SDK2: variants seen among roughly 807,000 people sequenced by gnomAD.
SDK2 encodes the protein sidekick cell adhesion molecule 2, also known as protein sidekick-2.
In SDK2, 105 loss-of-function variants were observed where a neutral mutation model predicts 253.9. The observed-to-expected ratio is 0.41, with a 90% CI of 0.35 to 0.49. SDK2 has a LOEUF of 0.49. Among genes scored for constraint, SDK2 ranks in the 20% least tolerant of loss-of-function variants. The probability of loss-of-function intolerance (pLI) is 0.06; values close to 1 mark genes in which losing one functional copy is unlikely to be tolerated. For synonymous variants in SDK2, 1,249 were observed against 1,234.9 expected (o/e 1.01, Z -0.24); for missense variants, 2,608 against 3,003.0 (o/e 0.87, Z 3.07).
chr17:73,379,640 G>T lies in SDK2; in HGVS notation c.4763-91C>A, dbSNP rs1004810487. On this transcript the variant is annotated intron_variant, in intron 34 of 44. Coordinates refer to ENST00000392650, the MANE Select transcript of SDK2 (RefSeq NM_001144952.2). This position sits in a 1 kb window ranked among gnomAD's most constrained non-coding sequence, Gnocchi z 4.5. ...AGGGAGGGTGGAGGCTGCAGGGGGA[G>T]GAATGAGGCACCCCCGCCATTCTAG... is the stretch of plus-strand genomic sequence containing the variant. 1.4e-6 allele frequency: 1 copy of T among 737,600 alleles called. No homozygotes were observed. The highest frequency in any genetic ancestry group is 2.3e-6 in the Non-Finnish European group (1 of 438,232). The allele number at this position is 737,600 out of a possible 1,614,324, so 45.7% of individuals were successfully genotyped here. A position where few individuals can be genotyped will look rare whatever the true frequency, so the allele number is the denominator to read the frequency against.
chr17:73,556,862 T>C (rs1312968886), intron 1 of SDK2, among the ~76,000 whole-genome samples: 1 of 152,210 alleles, frequency 6.6e-6, no homozygotes, highest in Non-Finnish European at 1.5e-5. Context: ...GGGGTGATGA[T>C]GATCATAGAA....
Position 73,339,000 on chromosome 17 carries a change from G to T in SDK2, c.6166-60C>A. ...CCCGTAGGGACAGGCCATTGTGGTTGGGGCCGGAAGGCACAGGGCATTCTG... is the reference window on the plus strand; with the variant it reads ...CCCGTAGGGACAGGCCATTGTGGTTTGGGCCGGAAGGCACAGGGCATTCTG... On this transcript the variant is annotated intron_variant, in intron 44 of 44. Coordinates refer to ENST00000392650, the MANE Select transcript of SDK2 (RefSeq NM_001144952.2). This position sits in a 1 kb window ranked among gnomAD's most constrained non-coding sequence, Gnocchi z 5.0. The T allele has an allele frequency of 6.9e-7, 1 of 1,447,576 alleles. No individual in the cohort carries two copies. The highest frequency in any genetic ancestry group is 1.2e-5 in the South Asian group (1 of 86,912). The allele number at this position is 1,447,576 out of a possible 1,614,324, so 89.7% of individuals were successfully genotyped here.
rs549474021 is a variant in SDK2, at chr17:73,604,080, G to A, written c.64+39945C>T. ...AGATTGCCACGCGGAGGGAACGCCC[G>A]CGCCGGGCAGCGCCAGCGTCAGCCT... On this transcript the variant is annotated intron_variant, in intron 1 of 44. Coordinates refer to ENST00000392650, the MANE Select transcript of SDK2 (RefSeq NM_001144952.2). Among the ~76,000 whole-genome samples the A allele has an allele frequency of 4.6e-5, 7 of 152,374 alleles. No homozygotes were observed. The East Asian group carries it at 5.8e-4, about 13-fold the overall frequency.
chr17:73,437,225 G>T (rs546313352), intron 8 of SDK2, among the ~76,000 whole-genome samples: 89 of 152,182 alleles, frequency 5.8e-4, no homozygotes, highest in Non-Finnish European at 1.2e-3. Flanking sequence ...GCTGCGGGCT[G>T]TCTTTTGGCG....
At chr17:73,596,607 C>T (rs11655894) in intron 1 of SDK2, among the ~76,000 whole-genome samples, 3 of 151,894 alleles carry the variant, frequency 2.0e-5, no homozygotes, top group East Asian at 1.9e-4. Flanking sequence ...GACATGTCCC[C>T]GGAACCCACA....
Position 73,541,436 on chromosome 17 carries a change from G to C in SDK2, c.65-33839C>G. Reference sequence around the variant, plus strand: ...CACTTAGCACATGGGCGCCTTGCTGGGTGCTCCATCCCATCCCCTCTCAAC... The same window carrying C: ...CACTTAGCACATGGGCGCCTTGCTGCGTGCTCCATCCCATCCCCTCTCAAC... On this transcript the variant is annotated intron_variant, in intron 1 of 44. Coordinates refer to ENST00000392650, the MANE Select transcript of SDK2 (RefSeq NM_001144952.2). The surrounding 1 kb of genome is among the most constrained non-coding windows in gnomAD (Gnocchi z 4.3). Among the ~76,000 whole-genome samples, 1 of 151,974 alleles carries C rather than the reference G, an allele frequency of 6.6e-6. No individual in the cohort carries two copies. The highest frequency in any genetic ancestry group is 2.1e-4 in the South Asian group (1 of 4,818).
intron 36 of SDK2, among the ~76,000 whole-genome samples, chr17:73,370,768 A>G (rs954149014): frequency 2.0e-5 from 3 of 151,850 alleles, no homozygotes; most frequent in African/African-American, 7.3e-5. Flanking sequence ...TTTCTTTTTT[A>G]GAAAGGGGGA....
intron 18 of SDK2, among the ~76,000 whole-genome samples, chr17:73,413,026 A>G (rs1390590324): frequency 6.6e-6 from 1 of 152,138 alleles, no homozygotes; most frequent in Non-Finnish European, 1.5e-5. Flanking sequence ...GGGTTCCCCA[A>G]TCCCCCACGG....
intron 40 of SDK2, among the ~76,000 whole-genome samples, chr17:73,354,038 T>C (rs1052227628): frequency 6.6e-6 from 1 of 151,896 alleles, no homozygotes; most frequent in African/African-American, 2.4e-5. Flanking sequence ...CAGGAAAGAT[T>C]TGGTTTTAAA....
chr17:73,462,783 T>C (rs567125205), intron 3 of SDK2, among the ~76,000 whole-genome samples: 1 of 152,272 alleles, frequency 6.6e-6, no homozygotes, highest in South Asian at 2.1e-4. Context: ...TTTCCTCCAC[T>C]TCTCCACTCC....
chr17:73,574,050 C>T (rs562811991), intron 1 of SDK2, among the ~76,000 whole-genome samples: 32 of 152,340 alleles, frequency 2.1e-4, no homozygotes, highest in Admixed American at 5.2e-4. Context: ...CTGACACTAC[C>T]GCTCACATCT....
At chr17:73,535,974 C>A (rs1228075921) in intron 1 of SDK2, among the ~76,000 whole-genome samples, 1 of 152,200 alleles carries the variant, frequency 6.6e-6, no homozygotes, top group African/African-American at 2.4e-5. Context: ...TTCCTCCACG[C>A]CCACTCTGAC....
chr17:73,618,269 C>T lies in SDK2; in HGVS notation c.64+25756G>A, dbSNP rs2046085908. On this transcript the variant is annotated intron_variant, in intron 1 of 44. Transcript: ENST00000392650. This position sits in a 1 kb window ranked among gnomAD's most constrained non-coding sequence, Gnocchi z 4.1. ...ATTAGACCCCATACCTTTGCCCAGC[C>T]TCATTTTATGTTTTGCTTCTGGCTT... Among the ~76,000 whole-genome samples the T allele has an allele frequency of 6.6e-6, 1 of 152,164 alleles. No individual in the cohort carries two copies. The highest frequency in any genetic ancestry group is 2.4e-5 in the African/African-American group (1 of 41,424).
chr17:73,342,263 C>T (rs2062444335), intron 44 of SDK2, among the ~76,000 whole-genome samples: 1 of 152,158 alleles, frequency 6.6e-6, no homozygotes, highest in Non-Finnish European at 1.5e-5. Context: ...GCAGGCACAG[C>T]CGGCTGCCCA....
intron 19 of SDK2, 76 bp from the exon 20 acceptor site, chr17:73,401,828 G>T: frequency 1.4e-6 from 2 of 1,431,502 alleles, no homozygotes; most frequent in Non-Finnish European, 1.9e-6. Flanking sequence ...GAGATAGCCT[G>T]TGGTAATCTG....
chr17:73,396,188 G>A (rs1202885946), intron 24 of SDK2, among the ~76,000 whole-genome samples: 1 of 152,130 alleles, frequency 6.6e-6, no homozygotes, highest in East Asian at 1.9e-4. Flanking sequence ...CCTCCTTCTT[G>A]TTTGAGTCTC....
intron 1 of SDK2, among the ~76,000 whole-genome samples, chr17:73,621,150 T>C (rs1489093594): frequency 6.6e-6 from 1 of 152,218 alleles, no homozygotes; most frequent in Non-Finnish European, 1.5e-5. Context: ...TCAAATTCTT[T>C]GTATAGATGA....
rs772506253 is a variant in SDK2 at position 73,433,856 on chromosome 17, C to T, written c.1196-8G>A. On this transcript the variant is annotated splice_region_variant and splice_polypyrimidine_tract_variant and intron_variant, in intron 9 of 44. Transcript: ENST00000392650. ...TGATGTTAGGGGCGATGCCTGCAAACAGAGAAGTGGGGCCTTTTAGCCACA... is the reference window on the plus strand; with the variant it reads ...TGATGTTAGGGGCGATGCCTGCAAATAGAGAAGTGGGGCCTTTTAGCCACA... The T allele has an allele frequency of 6.6e-7, 1 of 1,513,116 alleles. No homozygotes were observed. The highest frequency in any genetic ancestry group is 8.9e-7 in the Non-Finnish European group (1 of 1,128,268). 93.7% of individuals were successfully genotyped at this position (1,513,116 alleles called of 1,614,324 possible).
chr17:73,350,342 C>A lies in SDK2; in HGVS notation c.5933G>T (p.Ser1978Ile). The A allele has an allele frequency of 6.2e-7, 1 of 1,613,886 alleles. No individual in the cohort carries two copies. Among genetic ancestry groups the A allele is most frequent in the Non-Finnish European group, 8.5e-7 (1 of 1,179,870 alleles). ...NSAKSGALGHSEMMSLDESSF... is the reference protein window; with the variant it reads ...NSAKSGALGHIEMMSLDESSF... Reference sequence around the variant, plus strand: ...GCTTTCATCCAAGCTCATCATCTCGCTGTGGCCTAGGGCTCCAGACTTGGC... The same window carrying A: ...GCTTTCATCCAAGCTCATCATCTCGATGTGGCCTAGGGCTCCAGACTTGGC... Residue 1978 changes from serine to isoleucine, a missense_variant, in exon 43 of 45, where the codon AGC (serine) becomes ATC (isoleucine). Physicochemically the swap from Ser to Ile is moderately radical, Grantham distance 142. Coordinates refer to ENST00000392650, the MANE Select transcript of SDK2 (RefSeq NM_001144952.2).
Sources: gnomAD v4.1 joint callset for allele counts (sites outside exome capture counted in the v4.1 genomes callset) on GRCh38, gnomAD v4.1.1 for gene constraint, Gnocchi (gnomAD v3.1) non-coding constraint, MANE v1.5 for transcripts, NCBI Gene and HGNC (gene_info 2026-07-23, HGNC 2026-07-21) for gene names.